PRKCB: variants seen among roughly 807,000 people sequenced by gnomAD.
PRKCB encodes protein kinase C beta type.
In PRKCB, 13 loss-of-function variants were observed where a neutral mutation model predicts 81.5. That is an observed-to-expected ratio of 0.16 (90% CI 0.10 to 0.25). The LOEUF is 0.25. PRKCB is among the 10% of genes least tolerant of loss of function. The probability of loss-of-function intolerance (pLI) is 1.00; values close to 1 mark genes in which losing one functional copy is unlikely to be tolerated. For missense variants in PRKCB, 509 were observed against 875.7 expected (o/e 0.58, Z 5.29); for synonymous variants, 335 against 321.4 (o/e 1.04, Z -0.45).
Position 23,969,154 on chromosome 16 carries a change from G to T in PRKCB, c.206-19354G>T, listed in dbSNP as rs535643896. Among the ~76,000 whole-genome samples, 365 of 152,134 alleles carry T rather than the reference G, an allele frequency of 2.4e-3. 1 individual carries two copies. The highest frequency in any genetic ancestry group is 8.4e-3 in the African/African-American group (347 of 41,504). On this transcript the variant is annotated intron_variant, in intron 2 of 16. Transcript: ENST00000643927. ...CACTGCACTCCAGCCTGGGCGACAG[G>T]GTGAGACCCTGTCTCAAAAACCAAA...
At chr16:24,021,673 TC>T (rs1371054671) in intron 3 of PRKCB, among the ~76,000 whole-genome samples, 1 of 152,008 alleles carries the variant, frequency 6.6e-6, no homozygotes, top group African/African-American at 2.4e-5. Context: ...TGGCTGCATT[TC>T]TGGAGTCTGA....
At chr16:23,867,986 T>G (rs550234438) in intron 2 of PRKCB, among the ~76,000 whole-genome samples, 451 of 10,740 alleles carry the variant, frequency 0.042, 4 homozygotes, top group African/African-American at 0.25. Flanking sequence ...CCATCACACA[T>G]AAAACAGGGG....
chr16:23,950,132 A>AGTTT (rs55986931), intron 2 of PRKCB, among the ~76,000 whole-genome samples: 10,160 of 97,744 alleles, frequency 0.1, 3,430 homozygotes, highest in South Asian at 0.17. Flanking sequence ...TATGATTTGA[A>AGTTT]TTTTTTTTTT....
At chr16:24,139,709 G>GA (rs1273273637) in intron 9 of PRKCB, among the ~76,000 whole-genome samples, 2 of 152,214 alleles carry the variant, frequency 1.3e-5, no homozygotes, top group Non-Finnish European at 2.9e-5. Context: ...CCTCTGAAAT[G>GA]AAAAATTAGC....
At position 23,915,118 on chromosome 16, in the gene PRKCB, C is replaced by T. The variant is rs1361409819; in HGVS notation, c.206-73390C>T. ...GCAGCCTCTCCCCTACCCCTTCTCC[C>T]GTTAGCCCCTGATCTCTGGGGACTC... On this transcript the variant is annotated intron_variant, in intron 2 of 16. Transcript: ENST00000643927. Among the ~76,000 whole-genome samples, 13 of 152,302 alleles carry T rather than the reference C, an allele frequency of 8.5e-5. No individual in the cohort carries two copies. The East Asian group carries it at 9.7e-4, about 11-fold the overall frequency.
chr16:23,930,344 A>C (rs1467604034), intron 2 of PRKCB, among the ~76,000 whole-genome samples: 1 of 152,056 alleles, frequency 6.6e-6, no homozygotes, highest in Non-Finnish European at 1.5e-5. Context: ...CAAGGTGGGC[A>C]GATCACTTGA....
At position 24,089,963 on chromosome 16, in the gene PRKCB, T is replaced by C. The variant is rs189884089; in HGVS notation, c.530-2828T>C. Among the ~76,000 whole-genome samples, 595 of 152,342 alleles carry C rather than the reference T, an allele frequency of 3.9e-3. 8 individuals are homozygous for C. The highest frequency in any genetic ancestry group is 2.0e-3 in the Non-Finnish European group (138 of 68,034). Reference sequence around the variant, plus strand: ...CCAATTTTACTCTTGTAACAACCTATTTTATTGATCAAGAAATTGAGGTTC... The same window carrying C: ...CCAATTTTACTCTTGTAACAACCTACTTTATTGATCAAGAAATTGAGGTTC... On this transcript the variant is annotated intron_variant, in intron 5 of 16. Transcript: ENST00000643927.
intron 15 of PRKCB, among the ~76,000 whole-genome samples, chr16:24,189,662 A>G (rs1039572271): frequency 1.4e-5 from 2 of 146,940 alleles, no homozygotes; most frequent in South Asian, 4.4e-4. Flanking sequence ...AAAAAAAAAA[A>G]GAAGTAGCTA....
chr16:23,986,167 T>A (rs1277804359), intron 2 of PRKCB, among the ~76,000 whole-genome samples: 1 of 152,228 alleles, frequency 6.6e-6, no homozygotes, highest in Non-Finnish European at 1.5e-5. Context: ...GAAGGCTGTT[T>A]GAGGTGTACT....
At chr16:24,097,772 C>T (rs76213956) in intron 7 of PRKCB, among the ~76,000 whole-genome samples, 1,621 of 152,116 alleles carry the variant, frequency 0.011, 89 homozygotes, top group Admixed American at 0.081. Context: ...AAAAGTGGGA[C>T]GGGGAGGTGC....
At chr16:24,015,165 C>A (rs1330150326) in intron 3 of PRKCB, among the ~76,000 whole-genome samples, 2 of 152,160 alleles carry the variant, frequency 1.3e-5, no homozygotes, top group East Asian at 3.8e-4. Context: ...TCCAAAGTCA[C>A]ACAGCTGGGA....
intron 2 of PRKCB, among the ~76,000 whole-genome samples, chr16:23,856,459 A>G (rs758905586): frequency 2.4e-4 from 37 of 152,152 alleles, no homozygotes; most frequent in Admixed American, 7.2e-4. Flanking sequence ...CAAGAATACC[A>G]TGAAGAAAGC....
chr16:23,901,814 A>G (rs1197931831), intron 2 of PRKCB, among the ~76,000 whole-genome samples: 1 of 152,134 alleles, frequency 6.6e-6, no homozygotes. Context: ...TCATTCCCCA[A>G]CATTGGAGGC....
intron 2 of PRKCB, among the ~76,000 whole-genome samples, chr16:23,837,673 A>G (rs1962189595): frequency 1.3e-5 from 2 of 152,098 alleles, no homozygotes; most frequent in South Asian, 2.1e-4. Context: ...GGTCTCCTGA[A>G]GCAATCCTGG....
chr16:23,916,220 ATT>A (rs10678336), intron 2 of PRKCB, among the ~76,000 whole-genome samples: 2 of 112,874 alleles, frequency 1.8e-5, no homozygotes, highest in Non-Finnish European at 1.8e-5. Flanking sequence ...CATGTGGCTA[ATT>A]TTTTTTTTTT....
chr16:23,969,351 T>A (rs1201296854), intron 2 of PRKCB, among the ~76,000 whole-genome samples: 1 of 152,182 alleles, frequency 6.6e-6, no homozygotes, highest in Non-Finnish European at 1.5e-5. Context: ...TTTCTGTTAC[T>A]ATAGATTAAT....
intron 7 of PRKCB, among the ~76,000 whole-genome samples, chr16:24,096,412 CCTG>C: frequency 6.6e-6 from 1 of 151,860 alleles, no homozygotes; most frequent in Non-Finnish European, 1.5e-5. Flanking sequence ...TCATTTTCTC[CCTG>C]TTACAATTTC....
intron 2 of PRKCB, among the ~76,000 whole-genome samples, chr16:23,881,438 G>A (rs887202163): frequency 6.6e-6 from 1 of 152,048 alleles, no homozygotes; most frequent in African/African-American, 2.4e-5. Flanking sequence ...TTTTAGGAGA[G>A]ACGGGGTTTC....
chr16:24,176,650 A>G (rs1407723191), intron 12 of PRKCB, among the ~76,000 whole-genome samples: 1 of 152,112 alleles, frequency 6.6e-6, no homozygotes, highest in African/African-American at 2.4e-5. Context: ...CCCAACACAT[A>G]GGGAGGCCGA....
Sources: gnomAD v4.1 joint callset for allele counts (sites outside exome capture counted in the v4.1 genomes callset) on GRCh38, gnomAD v4.1.1 for gene constraint, MANE v1.5 for transcripts, NCBI Gene and HGNC (gene_info 2026-07-23, HGNC 2026-07-21) for gene names.